Variants in EPHA6 observed in about 807,000 individuals in gnomAD.
The protein encoded by EPHA6 is EPH receptor A6, also known as ephrin type-A receptor 6.
Under a neutral mutation model 112.0 loss-of-function variants are expected in EPHA6, and 50 were observed. The ratio of observed to expected loss-of-function variants is 0.45; its 90% confidence interval spans 0.36 to 0.56. The LOEUF is 0.56. Ranked by LOEUF, EPHA6 falls within the 20% of genes least tolerant of loss-of-function variation. The pLI is 0.00. For missense variants in EPHA6, 1,280 were observed against 1,417.4 expected (o/e 0.90, Z 1.56); for synonymous variants, 529 against 490.7 (o/e 1.08, Z -1.03).
chr3:97,492,962 C>G (rs2091888111), intron 10 of EPHA6, among the ~76,000 whole-genome samples: 1 of 147,006 alleles, frequency 6.8e-6, no homozygotes, highest in African/African-American at 2.6e-5. Flanking sequence ...CTCTTCAAAA[C>G]ATAAGCTTTT....
At chr3:97,341,639 C>T (rs1313348856) in intron 5 of EPHA6, among the ~76,000 whole-genome samples, 1 of 152,024 alleles carries the variant, frequency 6.6e-6, no homozygotes, top group Non-Finnish European at 1.5e-5. Context: ...TCCTTCACTG[C>T]CAATTTTAAT....
At chr3:97,504,616 T>G (rs2092199912) in intron 10 of EPHA6, among the ~76,000 whole-genome samples, 1 of 152,172 alleles carries the variant, frequency 6.6e-6, no homozygotes, top group Admixed American at 6.6e-5. Context: ...GTGCAAGTTC[T>G]CTCATCTGTG....
rs1351481884 is a variant in EPHA6 at position 97,436,122 on chromosome 3, C to T, written c.1732-12446C>T. ...TTATTTTATTATAAATCTTGAGGCA[C>T]ACATTTGATATCTTCTGAGGAAATT... On this transcript the variant is annotated intron_variant, in intron 6 of 17. Coordinates refer to ENST00000389672, the MANE Select transcript of EPHA6 (RefSeq NM_001080448.3). Among the ~76,000 whole-genome samples the T allele has an allele frequency of 2.0e-5, 3 of 152,050 alleles. No homozygotes were observed. The East Asian group carries it at 5.8e-4, about 29-fold the overall frequency.
chr3:97,637,297 G>T (rs2093954925), intron 13 of EPHA6, among the ~76,000 whole-genome samples: 1 of 151,998 alleles, frequency 6.6e-6, no homozygotes, highest in African/African-American at 2.4e-5. Flanking sequence ...TGAAAAAAAT[G>T]GAAAACTCTA....
At chr3:96,840,696 CAAAG>C (rs2034690699) in intron 1 of EPHA6, among the ~76,000 whole-genome samples, 1 of 151,950 alleles carries the variant, frequency 6.6e-6, no homozygotes. Flanking sequence ...CAATTCAAAC[CAAAG>C]AAAGTACTGA....
intron 3 of EPHA6, among the ~76,000 whole-genome samples, chr3:97,006,110 A>G (rs2043868106): frequency 1.3e-5 from 2 of 152,138 alleles, no homozygotes; most frequent in Admixed American, 1.3e-4. Context: ...CAGTTTTGGT[A>G]TCAGGATGAT....
At chr3:97,175,408 G>A (rs180959571) in intron 3 of EPHA6, among the ~76,000 whole-genome samples, 232 of 151,828 alleles carry the variant, frequency 1.5e-3, no homozygotes, top group African/African-American at 5.3e-3. Flanking sequence ...AGAAATTTTA[G>A]GCTTACTTTT....
At chr3:96,893,552 C>T (rs933975419) in intron 2 of EPHA6, among the ~76,000 whole-genome samples, 2 of 152,180 alleles carry the variant, frequency 1.3e-5, no homozygotes, top group East Asian at 3.9e-4. Context: ...GATTATTGCA[C>T]ACCAGTCAGG....
intron 1 of EPHA6, among the ~76,000 whole-genome samples, chr3:96,819,953 T>A (rs1319178977): frequency 1.3e-5 from 2 of 152,078 alleles, no homozygotes; most frequent in African/African-American, 4.8e-5. Context: ...ACAGGAGAGA[T>A]GTGCTATTTG....
chr3:97,329,687 G>A lies in EPHA6; in HGVS notation c.1607-75463G>A, dbSNP rs554690215. ...TTGTTTGTTTTTTTCTTGTAAATTT[G>A]TTTGAGTTCATTGTAGATTCTGAAT... On this transcript the variant is annotated intron_variant, in intron 5 of 17. Transcript: ENST00000389672. 7.2e-5 allele frequency among the ~76,000 whole-genome samples: 11 copies of A among 152,114 alleles called. No homozygotes were observed. The South Asian group carries it at 2.3e-3, about 32-fold the overall frequency.
intron 5 of EPHA6, among the ~76,000 whole-genome samples, chr3:97,393,037 T>G (rs892327231): frequency 2.0e-5 from 3 of 151,866 alleles, no homozygotes; most frequent in African/African-American, 7.2e-5. Context: ...ACCAGTGTTC[T>G]TGATTTTAAT....
At chr3:97,474,983 A>T (rs1027887067) in intron 7 of EPHA6, among the ~76,000 whole-genome samples, 5 of 152,086 alleles carry the variant, frequency 3.3e-5, no homozygotes, top group African/African-American at 1.2e-4. Flanking sequence ...AGCCTGGTCT[A>T]TTGGCCAGTG....
intron 3 of EPHA6, among the ~76,000 whole-genome samples, chr3:97,224,283 A>T (rs2078290657): frequency 6.6e-6 from 1 of 152,214 alleles, no homozygotes; most frequent in African/African-American, 2.4e-5. Flanking sequence ...AAAGTGGGCA[A>T]GAATAGTTGC....
intron 3 of EPHA6, among the ~76,000 whole-genome samples, chr3:97,105,876 T>A (rs1452408716): frequency 6.6e-6 from 1 of 152,182 alleles, no homozygotes; most frequent in African/African-American, 2.4e-5. Flanking sequence ...TAAGTCTTGT[T>A]GAATTGTACC....
intron 3 of EPHA6, among the ~76,000 whole-genome samples, chr3:97,170,329 C>T (rs962486544): frequency 2.0e-5 from 3 of 152,248 alleles, no homozygotes; most frequent in Non-Finnish European, 4.4e-5. Flanking sequence ...GACTGAAAGA[C>T]CACTGCTATG....
chr3:96,916,717 T>C (rs575066740), intron 2 of EPHA6, among the ~76,000 whole-genome samples: 2 of 152,292 alleles, frequency 1.3e-5, no homozygotes, highest in South Asian at 4.1e-4. Context: ...CGTCAAAGGT[T>C]ATTCTTTTGA....
At chr3:97,363,748 C>A (rs529680763) in intron 5 of EPHA6, among the ~76,000 whole-genome samples, 1 of 151,928 alleles carries the variant, frequency 6.6e-6, no homozygotes, top group Non-Finnish European at 1.5e-5. Context: ...AAGAAGGAAG[C>A]AACCCAAATG....
chr3:96,921,001 T>A (rs1353164806), intron 2 of EPHA6, among the ~76,000 whole-genome samples: 1 of 152,070 alleles, frequency 6.6e-6, no homozygotes, highest in Non-Finnish European at 1.5e-5. Flanking sequence ...AGACTGTTAA[T>A]TACCTGTGTA....
intron 5 of EPHA6, among the ~76,000 whole-genome samples, chr3:97,349,022 A>T (rs957849405): frequency 7.4e-4 from 113 of 152,224 alleles, no homozygotes; most frequent in African/African-American, 2.6e-3. Flanking sequence ...GAGTTCTTTT[A>T]TACTGCCCGT....
Sources: allele counts gnomAD v4.1 joint callset (sites outside exome capture counted in the v4.1 genomes callset), GRCh38; gene constraint gnomAD v4.1.1; transcripts MANE v1.5; gene names NCBI Gene and HGNC (gene_info 2026-07-23, HGNC 2026-07-21).